NUP160: variants seen among roughly 807,000 people sequenced by gnomAD.
The protein encoded by NUP160 is nuclear pore complex protein Nup160.
Under a neutral mutation model 196.9 loss-of-function variants are expected in NUP160, and 94 were observed. That is an observed-to-expected ratio of 0.48 (90% CI 0.40 to 0.57). The LOEUF (loss-of-function observed/expected upper bound fraction) is 0.57, where lower values mean the gene tolerates loss of function less well. NUP160 is among the 20% of genes least tolerant of loss of function. The pLI, the probability that NUP160 is intolerant of heterozygous loss-of-function variation, is 0.00. For missense variants in NUP160, 1,638 were observed against 1,748.3 expected (o/e 0.94, Z 1.13); for synonymous variants, 605 against 619.7 (o/e 0.98, Z 0.35).
At position 47,816,739 on chromosome 11, in the gene NUP160, G is replaced by T. The variant is rs186299086; in HGVS notation, c.1432-710C>A. ...TGCAGTGAGCCAAGATCGTGCCACC[G>T]CACTCCAGCCTGGGCAACAGAGCGA... On this transcript the variant is annotated intron_variant, in intron 11 of 35. Transcript: ENST00000378460. Among the ~76,000 whole-genome samples the T allele has an allele frequency of 8.2e-3, 1,241 of 150,824 alleles. 20 individuals are homozygous for T. The highest frequency in any genetic ancestry group is 0.028 in the African/African-American group (1,166 of 41,024).
intron 7 of NUP160, among the ~76,000 whole-genome samples, chr11:47,826,367 T>TA (rs1851968060): frequency 6.6e-6 from 1 of 152,222 alleles, no homozygotes; most frequent in Non-Finnish European, 1.5e-5. Flanking sequence ...TCAAAAAAGT[T>TA]ATTCTGATTT....
intron 4 of NUP160, 183 bp downstream of exon 4, chr11:47,839,660 G>A (rs1852255246): frequency 3.3e-6 from 2 of 609,246 alleles, no homozygotes; most frequent in African/African-American, 1.8e-5. Context: ...GCTCCAATAT[G>A]CTTTATAGTT....
intron 11 of NUP160, among the ~76,000 whole-genome samples, chr11:47,817,637 G>A (rs1054198822): frequency 6.6e-6 from 1 of 152,092 alleles, no homozygotes; most frequent in Non-Finnish European, 1.5e-5. Flanking sequence ...GAGCCACCAC[G>A]CCCGGCCTAG....
chr11:47,823,984 G>A (rs1851912187), intron 7 of NUP160, among the ~76,000 whole-genome samples: 1 of 136,826 alleles, frequency 7.3e-6, no homozygotes, highest in South Asian at 2.3e-4. Context: ...ATATACCTTT[G>A]AGACCCTGCT....
intron 2 of NUP160, chr11:47,841,384 G>T (rs567180021): frequency 4.4e-6 from 2 of 450,288 alleles, no homozygotes; most frequent in South Asian, 2.5e-5. Flanking sequence ...TGCAAACTGT[G>T]ATACAATCCT....
exon 17 of NUP160, chr11:47,812,118 C>G: frequency 6.2e-7 from 1 of 1,614,100 alleles, no homozygotes; most frequent in Non-Finnish European, 8.5e-7. Flanking sequence ...CTCTGCAGAT[C>G]AGGAAACGAG....
intron 7 of NUP160, among the ~76,000 whole-genome samples, chr11:47,833,462 GA>G (rs61549262): frequency 2.1e-5 from 3 of 144,362 alleles, no homozygotes; most frequent in African/African-American, 7.7e-5. Context: ...CATCACAAAA[GA>G]AAAAAAAAAA....
intron 27 of NUP160, among the ~76,000 whole-genome samples, chr11:47,797,215 T>C (rs1409389409): frequency 1.3e-5 from 2 of 152,158 alleles, no homozygotes; most frequent in African/African-American, 4.8e-5. Flanking sequence ...TCATGCTGTC[T>C]CTAGTGAAAA....
In NUP160 at chr11:47,792,839, G is replaced by A. The variant is rs373754603; in HGVS notation, c.3397C>T (p.Arg1133Ter). ...CACGCATATTCTGGACGAATAAGTC[G>A]TAAACAATTGAGAGCAGCCAGATAA... Residue 1133 changes from arginine (R) to a stop codon, truncating the protein, a stop_gained, in exon 28 of 36, where the codon CGA (arginine) becomes TGA (stop). Transcript: ENST00000378460. LOFTEE classifies it high-confidence loss of function. The A allele has an allele frequency of 3.1e-6, 5 of 1,614,056 alleles. No individual in the cohort carries two copies. The highest frequency in any genetic ancestry group is 2.2e-5 in the South Asian group (2 of 91,080).
intron 7 of NUP160, 116 bp downstream of exon 7, chr11:47,835,535 C>T (rs1445739555): frequency 3.8e-6 from 3 of 789,282 alleles, no homozygotes; most frequent in African/African-American, 3.6e-5. Flanking sequence ...CAACCATCAC[C>T]TCAGAAACAC....
chr11:47,827,395 T>G (rs1218978169), intron 7 of NUP160, among the ~76,000 whole-genome samples: 4 of 151,362 alleles, frequency 2.6e-5, no homozygotes, highest in Non-Finnish European at 5.9e-5. Context: ...AGCTTACTGT[T>G]GCATCACAAT....
intron 7 of NUP160, among the ~76,000 whole-genome samples, chr11:47,829,240 A>T (rs1852030130): frequency 6.6e-6 from 1 of 152,242 alleles, no homozygotes; most frequent in South Asian, 2.1e-4. Context: ...TACATACTAT[A>T]TAATGATGCT....
chr11:47,841,522 A>G (rs1852297202), intron 2 of NUP160: 1 of 419,716 alleles, frequency 2.4e-6, no homozygotes, highest in East Asian at 6.2e-5. Context: ...TGGCCACCAC[A>G]TGGTCCAACA....
At chr11:47,804,563 A>G in exon 21 of NUP160, 5 of 1,538,654 alleles carry the variant, frequency 3.2e-6, no homozygotes, top group Non-Finnish European at 4.3e-6. Context: ...AATTGTACAT[A>G]TTGGCAATTT....
intron 4 of NUP160, among the ~76,000 whole-genome samples, chr11:47,839,179 C>T (rs1265085104): frequency 6.6e-6 from 1 of 152,100 alleles, no homozygotes; most frequent in Non-Finnish European, 1.5e-5. Context: ...GCAACCTCCA[C>T]CTCTTGGGTT....
chr11:47,789,423 G>A (rs189014301), intron 29 of NUP160, among the ~76,000 whole-genome samples: 69 of 152,168 alleles, frequency 4.5e-4, no homozygotes, highest in Admixed American at 2.0e-3. Context: ...CTAGAGCCTC[G>A]GCTCTTTATG....
intron 29 of NUP160, among the ~76,000 whole-genome samples, chr11:47,790,129 G>C (rs1239696490): frequency 1.3e-5 from 2 of 150,914 alleles, no homozygotes; most frequent in Non-Finnish European, 3.0e-5. Flanking sequence ...ATTTTTAGTA[G>C]AGACAGGGTT....
intron 20 of NUP160, 102 bp downstream of exon 20, chr11:47,806,051 T>C: frequency 9.3e-7 from 1 of 1,075,852 alleles, no homozygotes; most frequent in Non-Finnish European, 1.4e-6. Context: ...TGGCCATAAG[T>C]GATAAACCTG....
At chr11:47,799,523 GATAAA>G (rs1403862423) in intron 23 of NUP160, among the ~76,000 whole-genome samples, 2 of 152,090 alleles carry the variant, frequency 1.3e-5, no homozygotes, top group Non-Finnish European at 2.9e-5. Flanking sequence ...AAAGGATGAA[GATAAA>G]ATAAAAAGTT....
Sources: allele counts gnomAD v4.1 joint callset (sites outside exome capture counted in the v4.1 genomes callset), GRCh38; gene constraint gnomAD v4.1.1; transcripts MANE v1.5; gene names NCBI Gene and HGNC (gene_info 2026-07-23, HGNC 2026-07-21).